The following ERBB4 variants were observed in gnomAD, a reference collection of about 807,000 sequenced individuals.
The protein encoded by ERBB4 is erb-b2 receptor tyrosine kinase 4.
ERBB4 carries 42 observed loss-of-function variants against 158.0 expected under a neutral mutation model. The ratio of observed to expected loss-of-function variants is 0.27; its 90% CI spans 0.21 to 0.34. The LOEUF (loss-of-function observed/expected upper bound fraction) is 0.34. Among genes scored for constraint, ERBB4 ranks in the 10% least tolerant of loss-of-function variants. The pLI is 1.00. For missense variants in ERBB4, 1,333 were observed against 1,624.1 expected, an observed-to-expected ratio of 0.82 and a Z score of 3.08; for synonymous variants, 583 against 558.7, an observed-to-expected ratio of 1.04 and a Z score of -0.61.
rs554146805 is a variant in ERBB4 at position 212,205,597 on chromosome 2, T to C, written c.83-80694A>G. Among the ~76,000 whole-genome samples the C allele has an allele frequency of 1.6e-4, 24 of 152,272 alleles. 1 individual carries two copies. The highest frequency in any genetic ancestry group is 4.6e-4 in the African/African-American group (19 of 41,556). ...CTGAATTCCAAAAAATCCTCAAATA[T>C]TAAAATTAAAATTGATGCCTACAAA... On this transcript the variant is annotated intron_variant, in intron 1 of 27. Transcript: ENST00000342788.
intron 20 of ERBB4, among the ~76,000 whole-genome samples, chr2:211,523,649 G>A (rs1036985413): frequency 4.0e-5 from 6 of 151,764 alleles, no homozygotes; most frequent in African/African-American, 1.2e-4. Flanking sequence ...CGGTGGGCTC[G>A]TGGTCCCGCC....
At chr2:211,460,620 G>A (rs746044778) in intron 20 of ERBB4, among the ~76,000 whole-genome samples, 4 of 152,012 alleles carry the variant, frequency 2.6e-5, no homozygotes, top group African/African-American at 9.7e-5. Flanking sequence ...TTCTAATCAC[G>A]AGCTTGTGTT....
rs118046217 is a variant in ERBB4 at position 211,855,903 on chromosome 2, T to C, written c.422-67744A>G. ...TTATAATTTGCAGATAAGATACTTA[T>C]GTATGTAGAAAAATAAAAAAGATTC... On this transcript the variant is annotated intron_variant, in intron 3 of 27. Transcript: ENST00000342788. Among the ~76,000 whole-genome samples the C allele has an allele frequency of 8.5e-5, 13 of 152,282 alleles. No homozygotes were observed. In the East Asian group the frequency reaches 2.5e-3, roughly 29 times the overall value.
At chr2:211,868,578 A>G (rs142270905) in intron 3 of ERBB4, among the ~76,000 whole-genome samples, 38 of 152,286 alleles carry the variant, frequency 2.5e-4, no homozygotes, top group African/African-American at 6.7e-4. Context: ...AATAACATTC[A>G]TAAGTGATCA....
At chr2:211,564,085 T>C (rs2067482205) in intron 19 of ERBB4, among the ~76,000 whole-genome samples, 1 of 152,172 alleles carries the variant, frequency 6.6e-6, no homozygotes, top group Admixed American at 6.5e-5. Context: ...AAGAGTTAAT[T>C]TTAAAAGACA....
intron 4 of ERBB4, among the ~76,000 whole-genome samples, chr2:211,787,154 T>C (rs999610609): frequency 1.3e-5 from 2 of 152,170 alleles, no homozygotes; most frequent in African/African-American, 4.8e-5. Flanking sequence ...CAAATAATTA[T>C]TGAACTATGT....
At chr2:211,885,951 C>A (rs1349233448) in intron 3 of ERBB4, among the ~76,000 whole-genome samples, 2 of 152,094 alleles carry the variant, frequency 1.3e-5, no homozygotes, top group African/African-American at 4.8e-5. Flanking sequence ...TTGAAAGAAT[C>A]TAACAATGTG....
chr2:212,100,678 A>G (rs754626548), intron 2 of ERBB4, among the ~76,000 whole-genome samples: 14 of 152,168 alleles, frequency 9.2e-5, no homozygotes, highest in Non-Finnish European at 1.6e-4. Flanking sequence ...TGTGATTGCA[A>G]TATGGTATGA....
At chr2:212,030,092 T>C (rs1184565850) in intron 2 of ERBB4, among the ~76,000 whole-genome samples, 1 of 152,140 alleles carries the variant, frequency 6.6e-6, no homozygotes, top group African/African-American at 2.4e-5. Context: ...CTGTGTGCTA[T>C]CTACTGAGTT....
At chr2:212,073,169 GA>G (rs2078175272) in intron 2 of ERBB4, among the ~76,000 whole-genome samples, 1 of 151,920 alleles carries the variant, frequency 6.6e-6, no homozygotes, top group Non-Finnish European at 1.5e-5. Context: ...AGCTAGAAAG[GA>G]AAGCTGGAGC....
intron 1 of ERBB4, among the ~76,000 whole-genome samples, chr2:212,128,884 C>T (rs2080023255): frequency 6.6e-6 from 1 of 151,898 alleles, no homozygotes; most frequent in Admixed American, 6.6e-5. Context: ...AAATCAAGAT[C>T]GAAGTCCAAG....
intron 1 of ERBB4, among the ~76,000 whole-genome samples, chr2:212,393,417 G>C (rs1363408782): frequency 6.6e-6 from 1 of 151,952 alleles, no homozygotes; most frequent in East Asian, 1.9e-4. Context: ...AAATAGGTGA[G>C]AGGATTAATT....
intron 1 of ERBB4, among the ~76,000 whole-genome samples, chr2:212,372,245 C>T (rs1306686991): frequency 1.3e-5 from 2 of 152,212 alleles, no homozygotes; most frequent in East Asian, 1.9e-4. Flanking sequence ...TTACTTAAGG[C>T]CTTCCCAGGC....
chr2:212,181,748 CTT>C (rs1277927012), intron 1 of ERBB4, among the ~76,000 whole-genome samples: 11 of 151,808 alleles, frequency 7.2e-5, no homozygotes, highest in African/African-American at 2.7e-4. Context: ...TATGAAAAGA[CTT>C]ATACAAACAA....
intron 1 of ERBB4, among the ~76,000 whole-genome samples, chr2:212,302,776 A>G (rs1388814341): frequency 3.3e-5 from 5 of 151,578 alleles, no homozygotes. Flanking sequence ...TTAAGATAGC[A>G]CTTATTGTGA....
In ERBB4 at chr2:211,580,809, TATAA is replaced by T. The variant is rs1166448919; in HGVS notation, c.2302-18725_2302-18722del. ...TGTGATATATATATATATATATATA[TATAA>T]TATATATATATTATATATATAGATT... On this transcript the variant is annotated intron_variant, in intron 19 of 27. Transcript: ENST00000342788. 4.2e-4 allele frequency among the ~76,000 whole-genome samples: 20 copies of T among 47,386 alleles called. 1 individual carries two copies. The highest frequency in any genetic ancestry group is 5.6e-4 in the East Asian group (1 of 1,794). 31.1% of individuals were successfully genotyped at this position (47,386 alleles called of 152,430 possible).
intron 20 of ERBB4, among the ~76,000 whole-genome samples, chr2:211,521,720 T>G (rs2125639421): frequency 6.6e-6 from 1 of 152,286 alleles, no homozygotes; most frequent in Middle Eastern, 3.4e-3. Flanking sequence ...TTTTAGGGGT[T>G]AATGCATCTG....
chr2:212,116,856 G>C (rs529219360), intron 2 of ERBB4, among the ~76,000 whole-genome samples: 1 of 152,000 alleles, frequency 6.6e-6, no homozygotes, highest in Non-Finnish European at 1.5e-5. Context: ...TTATCTTGTG[G>C]AATTTCTGAA....
rs78248578 is a variant in ERBB4 at position 211,497,490 on chromosome 2, A to C, written c.2487+64413T>G. Among the ~76,000 whole-genome samples the C allele has an allele frequency of 2.7e-3, 418 of 152,252 alleles. 4 individuals are homozygous for C. The highest frequency in any genetic ancestry group is 9.4e-3 in the African/African-American group (391 of 41,586). On this transcript the variant is annotated intron_variant, in intron 20 of 27. Transcript: ENST00000342788. ...ACTTGTACTGGCAACCTATAAAAAA[A>C]ATCACTGATAGGAAAATAAGACGTG... is the stretch of plus-strand genomic sequence containing the variant.
Sources: gnomAD v4.1 joint callset for allele counts (sites outside exome capture counted in the v4.1 genomes callset) on GRCh38, gnomAD v4.1.1 for gene constraint, MANE v1.5 for transcripts, NCBI Gene and HGNC (gene_info 2026-07-23, HGNC 2026-07-21) for gene names.